The following RIMS4 variants were observed in gnomAD, a reference collection of about 807,000 sequenced individuals.
RIMS4 encodes regulating synaptic membrane exocytosis 4.
In RIMS4, 9 loss-of-function variants were observed where a neutral mutation model predicts 29.0. That is an observed-to-expected ratio of 0.31 (90% CI 0.19 to 0.54). RIMS4 has a LOEUF of 0.54. Ranked by LOEUF, RIMS4 falls within the 20% of genes least tolerant of loss-of-function variation. RIMS4 has a pLI of 0.94. For synonymous variants in RIMS4, 130 were observed against 152.9 expected, an observed-to-expected ratio of 0.85 and a Z score of 1.10; for missense variants, 193 against 365.7, an observed-to-expected ratio of 0.53 and a Z score of 3.85.
chr20:44,767,424 G>T (rs2066118452), intron 2 of RIMS4, among the ~76,000 whole-genome samples: 2 of 152,146 alleles, frequency 1.3e-5, no homozygotes, highest in South Asian at 2.1e-4. Context: ...ACAGGCTCAA[G>T]GAAAGAAAGC....
At chr20:44,782,247 C>A (rs2066187616) in intron 1 of RIMS4, among the ~76,000 whole-genome samples, 1 of 152,188 alleles carries the variant, frequency 6.6e-6, no homozygotes, top group Non-Finnish European at 1.5e-5. Flanking sequence ...GCTTACAGAA[C>A]AAAGTTCTTG....
At chr20:44,771,882 T>G (rs764968467) in intron 1 of RIMS4, among the ~76,000 whole-genome samples, 13 of 152,074 alleles carry the variant, frequency 8.5e-5, no homozygotes, top group Middle Eastern at 3.2e-3. Flanking sequence ...CTTTGCCCAC[T>G]AGATACTAAT....
chr20:44,773,289 C>G (rs2066144861), intron 1 of RIMS4, among the ~76,000 whole-genome samples: 1 of 152,138 alleles, frequency 6.6e-6, no homozygotes, highest in East Asian at 1.9e-4. Context: ...TCTGTTCTTT[C>G]CCTAGCTTGC....
chr20:44,760,807 G>A (rs894288895), intron 2 of RIMS4, among the ~76,000 whole-genome samples: 1 of 152,202 alleles, frequency 6.6e-6, no homozygotes, highest in Admixed American at 6.5e-5. Flanking sequence ...TGCCCTTCAG[G>A]TGCTTAGATT....
chr20:44,796,005 G>T (rs1035365561), intron 1 of RIMS4, among the ~76,000 whole-genome samples: 1 of 152,042 alleles, frequency 6.6e-6, no homozygotes, highest in Non-Finnish European at 1.5e-5. Flanking sequence ...GAGCGGGAGC[G>T]GGAGAGACAG....
At chr20:44,762,332 C>T (rs935389868) in intron 2 of RIMS4, among the ~76,000 whole-genome samples, 4 of 152,160 alleles carry the variant, frequency 2.6e-5, no homozygotes, top group African/African-American at 9.7e-5. Context: ...ACACTGGTGA[C>T]ATGGCCTTTC....
chr20:44,760,566 T>C (rs2066080036), intron 2 of RIMS4, among the ~76,000 whole-genome samples: 2 of 152,150 alleles, frequency 1.3e-5, no homozygotes, highest in Non-Finnish European at 1.5e-5. Context: ...TGATGGATGA[T>C]GATTGCAGAC....
intron 1 of RIMS4, among the ~76,000 whole-genome samples, chr20:44,784,131 G>C (rs973389598): frequency 6.6e-6 from 1 of 152,180 alleles, no homozygotes; most frequent in Non-Finnish European, 1.5e-5. Flanking sequence ...TGGAAAACCT[G>C]CTGCAAAGGC....
At chr20:44,757,130 G>A (rs2145442150) in intron 4 of RIMS4, 93 bp from the exon 5 acceptor site, 1 of 1,398,560 alleles carries the variant, frequency 7.2e-7, no homozygotes. Flanking sequence ...CCCTCTGCTG[G>A]AGATAGGTGT....
Position 44,757,748 on chromosome 20 carries a change from C to G in RIMS4, c.373G>C (p.Glu125Gln), listed in dbSNP as rs754457772. ...TCCACCTCCAACTGACCGTTCCGCTCCTGCAGACCGATCTCCACATCCCCT... is the reference window on the plus strand; with the variant it reads ...TCCACCTCCAACTGACCGTTCCGCTGCTGCAGACCGATCTCCACATCCCCT... ...PMGDVEIGLQ[E>Q]RNGQLEVDII... The change falls in exon 4 of 6, where the codon GAG becomes CAG. Residue 125 changes from glutamate to glutamine, a missense_variant. Coordinates refer to ENST00000372851, the MANE Select transcript of RIMS4 (RefSeq NM_182970.4). 6.2e-7 allele frequency: 1 copy of G among 1,614,092 alleles called. No homozygotes were observed. The highest frequency in any genetic ancestry group is 1.1e-5 in the South Asian group (1 of 91,086).
At chr20:44,764,926 CTA>C (rs1229916076) in intron 2 of RIMS4, among the ~76,000 whole-genome samples, 1 of 152,202 alleles carries the variant, frequency 6.6e-6, no homozygotes, top group Non-Finnish European at 1.5e-5. Flanking sequence ...CTGACCACCT[CTA>C]TGAGACTGTG....
At chr20:44,784,449 C>A (rs994372087) in intron 1 of RIMS4, among the ~76,000 whole-genome samples, 4 of 152,236 alleles carry the variant, frequency 2.6e-5, no homozygotes, top group African/African-American at 9.6e-5. Flanking sequence ...CCAGCACTCA[C>A]CAGAGCAAAC....
intron 1 of RIMS4, among the ~76,000 whole-genome samples, chr20:44,805,418 C>T (rs2066294331): frequency 6.6e-6 from 1 of 152,158 alleles, no homozygotes; most frequent in Non-Finnish European, 1.5e-5. Flanking sequence ...CTTCACTTAT[C>T]CAAATCTACA....
At chr20:44,779,851 C>T (rs550553707) in intron 1 of RIMS4, among the ~76,000 whole-genome samples, 97 of 152,114 alleles carry the variant, frequency 6.4e-4, no homozygotes, top group Non-Finnish European at 9.3e-4. Context: ...AAGGTTAACA[C>T]GTTAGACTAT....
intron 1 of RIMS4, among the ~76,000 whole-genome samples, chr20:44,785,590 A>G (rs2066204714): frequency 6.6e-6 from 1 of 152,136 alleles, no homozygotes; most frequent in African/African-American, 2.4e-5. Flanking sequence ...AGGGGATAGA[A>G]AAAGAAAAAG....
intron 1 of RIMS4, among the ~76,000 whole-genome samples, chr20:44,787,429 G>T (rs2066213700): frequency 6.6e-6 from 1 of 152,170 alleles, no homozygotes; most frequent in Admixed American, 6.5e-5. Context: ...ACAACAATCT[G>T]TGAAATATGT....
At chr20:44,787,126 G>A (rs528726990) in intron 1 of RIMS4, among the ~76,000 whole-genome samples, 3 of 152,248 alleles carry the variant, frequency 2.0e-5, no homozygotes, top group Non-Finnish European at 2.9e-5. Flanking sequence ...GAACAGAAAC[G>A]TAAAGGCCCG....
At chr20:44,773,641 C>T (rs992677450) in intron 1 of RIMS4, among the ~76,000 whole-genome samples, 1 of 152,180 alleles carries the variant, frequency 6.6e-6, no homozygotes, top group African/African-American at 2.4e-5. Context: ...GGGTCTGACA[C>T]ATTTCTCCCG....
chr20:44,781,478 C>G (rs562807262), intron 1 of RIMS4, among the ~76,000 whole-genome samples: 1 of 152,164 alleles, frequency 6.6e-6, no homozygotes, highest in Admixed American at 6.5e-5. Flanking sequence ...ATTGTACATG[C>G]AAGCACTACC....
Sources: gnomAD v4.1 joint callset for allele counts (sites outside exome capture counted in the v4.1 genomes callset) on GRCh38, gnomAD v4.1.1 for gene constraint, MANE v1.5 for transcripts, NCBI Gene and HGNC (gene_info 2026-07-23, HGNC 2026-07-21) for gene names.